Variants in LRMDA observed in about 807,000 individuals in gnomAD.
LRMDA encodes the protein leucine-rich melanocyte differentiation-associated protein.
Under a neutral mutation model 29.8 loss-of-function variants are expected in LRMDA, and 18 were observed. The ratio of observed to expected loss-of-function variants is 0.60; its 90% confidence interval spans 0.42 to 0.90. The LOEUF (loss-of-function observed/expected upper bound fraction) is 0.90, where lower values mean the gene tolerates loss of function less well. LRMDA is among the 40% of genes least tolerant of loss of function. The pLI, the probability that LRMDA is intolerant of heterozygous loss-of-function variation, is 0.00. For synonymous variants in LRMDA, 125 were observed against 109.4 expected, an observed-to-expected ratio of 1.14 and a Z score of -0.89; for missense variants, 273 against 273.9, an observed-to-expected ratio of 1.00 and a Z score of 0.02.
intron 6 of LRMDA, among the ~76,000 whole-genome samples, chr10:76,421,798 T>C (rs1314052639): frequency 6.6e-6 from 1 of 152,226 alleles, no homozygotes; most frequent in Admixed American, 6.5e-5. Flanking sequence ...CTCTTATTGA[T>C]TGATGGTTTG....
At chr10:76,378,516 T>C (rs1409411682) in intron 6 of LRMDA, among the ~76,000 whole-genome samples, 1 of 152,258 alleles carries the variant, frequency 6.6e-6, no homozygotes, top group South Asian at 2.1e-4. Flanking sequence ...GGCTGTAAGT[T>C]TGTTGTATAT....
intron 6 of LRMDA, among the ~76,000 whole-genome samples, chr10:76,415,452 T>C (rs1050839964): frequency 2.4e-4 from 36 of 152,308 alleles, no homozygotes; most frequent in African/African-American, 7.9e-4. Flanking sequence ...TCTTGGATTC[T>C]AGCTCCTGGG....
intron 2 of LRMDA, among the ~76,000 whole-genome samples, chr10:75,986,577 A>C (rs1325590183): frequency 6.6e-6 from 1 of 152,238 alleles, no homozygotes; most frequent in Non-Finnish European, 1.5e-5. Flanking sequence ...CTTTCATGAC[A>C]CTAGTATAGT....
chr10:75,564,125 T>C (rs1293158366), intron 2 of LRMDA, among the ~76,000 whole-genome samples: 1 of 152,254 alleles, frequency 6.6e-6, no homozygotes, highest in Non-Finnish European at 1.5e-5. Flanking sequence ...GTCTGTGCCC[T>C]GCCCCTAGAG....
intron 5 of LRMDA, among the ~76,000 whole-genome samples, chr10:76,075,192 G>T (rs1368963567): frequency 1.3e-5 from 2 of 152,210 alleles, no homozygotes; most frequent in Non-Finnish European, 2.9e-5. Context: ...CCTCACCTCA[G>T]ATTGTGACTG....
intron 2 of LRMDA, among the ~76,000 whole-genome samples, chr10:75,931,729 G>A (rs1382109525): frequency 6.6e-6 from 1 of 152,172 alleles, no homozygotes; most frequent in East Asian, 1.9e-4. Flanking sequence ...ACTGATGCTT[G>A]GAACAGCCAC....
chr10:75,634,285 A>G (rs910076242), intron 2 of LRMDA, among the ~76,000 whole-genome samples: 4 of 152,354 alleles, frequency 2.6e-5, no homozygotes, highest in East Asian at 3.9e-4. Flanking sequence ...GATCTTGCCT[A>G]GAGTTTATTG....
intron 5 of LRMDA, among the ~76,000 whole-genome samples, chr10:76,065,637 T>C (rs1280222203): frequency 6.6e-6 from 1 of 152,246 alleles, no homozygotes; most frequent in East Asian, 1.9e-4. Flanking sequence ...GTGTTGGGGA[T>C]AAGATGAGTA....
At chr10:75,995,828 C>T (rs1019813696) in intron 2 of LRMDA, among the ~76,000 whole-genome samples, 1 of 152,096 alleles carries the variant, frequency 6.6e-6, no homozygotes, top group East Asian at 1.9e-4. Context: ...CAATATAATG[C>T]CTTCTGCCAT....
At chr10:76,001,184 T>G (rs1027921996) in intron 2 of LRMDA, among the ~76,000 whole-genome samples, 12 of 152,216 alleles carry the variant, frequency 7.9e-5, no homozygotes, top group Admixed American at 2.0e-4. Flanking sequence ...TGGCTTCCGG[T>G]TCCCCTGTCT....
chr10:75,854,475 T>C (rs1245351574), intron 2 of LRMDA, among the ~76,000 whole-genome samples: 1 of 152,204 alleles, frequency 6.6e-6, no homozygotes, highest in Non-Finnish European at 1.5e-5. Context: ...TGAAAAGGAA[T>C]GTTTATATTT....
At chr10:76,169,126 T>G (rs1225887146) in intron 5 of LRMDA, among the ~76,000 whole-genome samples, 1 of 152,184 alleles carries the variant, frequency 6.6e-6, no homozygotes, top group Non-Finnish European at 1.5e-5. Context: ...CCATAGTAAT[T>G]CTAAAATTAT....
chr10:76,439,295 C>G (rs1052938704), intron 6 of LRMDA, among the ~76,000 whole-genome samples: 3 of 152,080 alleles, frequency 2.0e-5, no homozygotes, highest in African/African-American at 7.2e-5. Context: ...GACAGGAAAG[C>G]TCAAAGACAT....
chr10:75,610,856 C>T (rs573577923), intron 2 of LRMDA, among the ~76,000 whole-genome samples: 30 of 152,188 alleles, frequency 2.0e-4, no homozygotes, highest in Admixed American at 3.9e-4. Context: ...TTTGGCCCAA[C>T]GTAGGCTAAA....
chr10:75,825,083 T>C (rs1379058670), intron 2 of LRMDA, among the ~76,000 whole-genome samples: 1 of 152,172 alleles, frequency 6.6e-6, no homozygotes, highest in Admixed American at 6.5e-5. Context: ...GGAAAGGAGA[T>C]GTGGAACACA....
intron 2 of LRMDA, among the ~76,000 whole-genome samples, chr10:75,688,173 A>G (rs971300955): frequency 2.0e-5 from 3 of 152,356 alleles, no homozygotes; most frequent in South Asian, 2.1e-4. Context: ...CTCAAGAAAT[A>G]TATTTTGTAA....
intron 5 of LRMDA, among the ~76,000 whole-genome samples, chr10:76,161,445 G>A (rs925715259): frequency 1.9e-4 from 29 of 152,166 alleles, no homozygotes; most frequent in African/African-American, 6.3e-4. Context: ...TGCTAGAGCC[G>A]GTCTTTCTTC....
intron 5 of LRMDA, among the ~76,000 whole-genome samples, chr10:76,106,731 G>A (rs1022460694): frequency 3.0e-4 from 46 of 152,302 alleles, no homozygotes; most frequent in Non-Finnish European, 2.5e-4. Flanking sequence ...TGTGTAGTGC[G>A]TCTTCCAAAT....
intron 5 of LRMDA, among the ~76,000 whole-genome samples, chr10:76,139,072 CT>C (rs1248552749): frequency 2.6e-5 from 4 of 152,122 alleles, no homozygotes; most frequent in African/African-American, 7.2e-5. Context: ...TATTCCTTTG[CT>C]GCCAAATTAG....
Sources: allele counts gnomAD v4.1 joint callset (sites outside exome capture counted in the v4.1 genomes callset), GRCh38; gene constraint gnomAD v4.1.1; transcripts MANE v1.5; gene names NCBI Gene and HGNC (gene_info 2026-07-23, HGNC 2026-07-21).